AMZ1: variants seen among roughly 807,000 people sequenced by gnomAD.
AMZ1 encodes the protein archaemetzincin-1.
In AMZ1, 39 loss-of-function variants were observed where a neutral mutation model predicts 29.9. That is an observed-to-expected ratio of 1.30 (90% CI 1.01 to 1.70). The LOEUF is 1.70. AMZ1 is among the 40% of genes most tolerant of loss of function. AMZ1 has a pLI of 0.00. For missense variants in AMZ1, 1,041 were observed against 680.6 expected (o/e 1.53, Z -5.89); for synonymous variants, 458 against 304.0 (o/e 1.51, Z -5.27).
At chr7:2,682,713 G>A (rs893484942) in intron 1 of AMZ1, among the ~76,000 whole-genome samples, 3 of 151,982 alleles carry the variant, frequency 2.0e-5, no homozygotes, top group African/African-American at 4.8e-5. Context: ...CTTGTGTTCC[G>A]AGCCCCTTCA....
chr7:2,740,832 C>A (rs548467970), intron 4 of AMZ1, among the ~76,000 whole-genome samples: 1 of 152,146 alleles, frequency 6.6e-6, no homozygotes, highest in African/African-American at 2.4e-5. Context: ...ATCACGAGGT[C>A]GAGAGATCTA....
chr7:2,704,478 A>T (rs780136441), intron 3 of AMZ1, among the ~76,000 whole-genome samples: 4 of 68,676 alleles, frequency 5.8e-5, no homozygotes, highest in Non-Finnish European at 9.8e-5. Context: ...ACAAGACCCG[A>T]TCATTAAAAA....
chr7:2,709,498 G>C, intron 5 of AMZ1, 142 bp from the exon 6 acceptor site: 1 of 1,320,578 alleles, frequency 7.6e-7, no homozygotes, highest in Non-Finnish European at 1.0e-6. Flanking sequence ...TGCCGCCTGG[G>C]GCAGGGGGAG....
In AMZ1 at chr7:2,712,712, C is replaced by A. The variant is rs113735463; in HGVS notation, c.1331C>A (p.Thr444Lys). The A allele has an allele frequency of 1.3e-5, 21 of 1,609,884 alleles. No individual in the cohort carries two copies. The highest frequency in any genetic ancestry group is 1.5e-5 in the Non-Finnish European group (18 of 1,178,324). ...GCCCTCGACCGCTGGGAGATGTTCA[C>A]GGGCCAGCTCCCGGCCACCAGGCAG... is the stretch of plus-strand genomic sequence containing the variant. ...VDALDRWEMF[T>K]GQLPATRQDP... The change falls in exon 7 of 7, where the codon ACG becomes AAG. Residue 444 changes from threonine to lysine, a missense_variant. By Grantham distance (78) the Thr-to-Lys change is moderately conservative (BLOSUM62 -1). Transcript: ENST00000683327.
At chr7:2,710,232 A>C (rs574857233) in intron 6 of AMZ1, among the ~76,000 whole-genome samples, 22 of 152,314 alleles carry the variant, frequency 1.4e-4, no homozygotes, top group Non-Finnish European at 2.6e-4. Context: ...GGGAGCTGAC[A>C]CAACAAGGCT....
At chr7:2,704,509 TTGTGTTCC>T in intron 3 of AMZ1, among the ~76,000 whole-genome samples, 1 of 151,856 alleles carries the variant, frequency 6.6e-6, no homozygotes, top group Non-Finnish European at 1.5e-5. Context: ...CCCCCATATA[TTGTGTTCC>T]TAATTTCAGT....
intron 4 of AMZ1, among the ~76,000 whole-genome samples, chr7:2,757,935 T>C (rs1210400747): frequency 6.6e-6 from 1 of 152,168 alleles, no homozygotes; most frequent in African/African-American, 2.4e-5. Flanking sequence ...CACATCAGAA[T>C]AGCAATAATA....
chr7:2,742,276 A>G (rs1296713979), intron 4 of AMZ1, among the ~76,000 whole-genome samples: 1 of 152,124 alleles, frequency 6.6e-6, no homozygotes, highest in East Asian at 1.9e-4. Context: ...TCAGCCTCCC[A>G]AAGTGCTGGG....
intron 3 of AMZ1, among the ~76,000 whole-genome samples, chr7:2,705,001 T>TCTG (rs1189762014): frequency 6.6e-6 from 1 of 152,246 alleles, no homozygotes; most frequent in African/African-American, 2.4e-5. Flanking sequence ...GATTACACTA[T>TCTG]CTGGAGTGCC....
chr7:2,721,818 G>A (rs1237258572), downstream of AMZ1, among the ~76,000 whole-genome samples: 3 of 151,812 alleles, frequency 2.0e-5, no homozygotes, highest in Non-Finnish European at 4.4e-5. Context: ...CAGGAAAACA[G>A]GTGTAATTTA....
chr7:2,714,708 G>C lies in AMZ1; in HGVS notation c.*1830G>C, dbSNP rs1037016083. On this transcript the variant is annotated 3_prime_UTR_variant, in exon 7 of 7. Transcript: ENST00000683327. ...TGGAGACGGTTTGCCCCTGTGGCTC[G>C]ACTGGAGTGTTCGTTCACACGGCTG... 2 of 152,198 alleles carry C rather than the reference G, an allele frequency of 1.3e-5. No individual in the cohort carries two copies. The highest frequency in any genetic ancestry group is 2.9e-5 in the Non-Finnish European group (2 of 68,050). The allele number at this position is 152,198 out of a possible 1,614,324, so 9.4% of individuals were successfully genotyped here. A position where few individuals can be genotyped will look rare whatever the true frequency, so the allele number is the denominator to read the frequency against.
At chr7:2,730,747 C>G (rs576505267) in intron 4 of AMZ1, 3 of 166,540 alleles carry the variant, frequency 1.8e-5, no homozygotes, top group African/African-American at 4.8e-5. Context: ...GTTAGTCTGT[C>G]TCAGGGAAGA....
chr7:2,757,902 C>T (rs1791378567), intron 4 of AMZ1, among the ~76,000 whole-genome samples: 1 of 152,170 alleles, frequency 6.6e-6, no homozygotes, highest in Admixed American at 6.5e-5. Flanking sequence ...CTTAGTGGTT[C>T]TCTGACTCCT....
In AMZ1 at chr7:2,712,895, C is replaced by G. The variant is rs375263657; in HGVS notation, c.*17C>G. On this transcript the variant is annotated 3_prime_UTR_variant, in exon 7 of 7. Transcript: ENST00000683327. The stretch of plus-strand genomic sequence containing the variant: ...GAGAGTTAGTACAGCAGGGGCTGCC[C>G]TACGTCTCCTTCCCTAAGGATGCTG... The G allele has an allele frequency of 6.0e-6, 9 of 1,509,160 alleles. No individual in the cohort carries two copies. The highest frequency in any genetic ancestry group is 4.6e-5 in the East Asian group (2 of 43,564). The allele number at this position is 1,509,160 out of a possible 1,614,324, so 93.5% of individuals were successfully genotyped here. A position where few individuals can be genotyped will look rare whatever the true frequency, so the allele number is the denominator to read the frequency against.
intron 3 of AMZ1, among the ~76,000 whole-genome samples, chr7:2,704,821 C>G (rs1788257288): frequency 6.6e-6 from 1 of 151,998 alleles, no homozygotes; most frequent in African/African-American, 2.4e-5. Context: ...TGATCTCGAT[C>G]TCCTGACCTG....
At chr7:2,758,389 A>C (rs1166752134) in intron 4 of AMZ1, among the ~76,000 whole-genome samples, 1 of 152,172 alleles carries the variant, frequency 6.6e-6, no homozygotes, top group African/African-American at 2.4e-5. Context: ...TGCACATGAA[A>C]GAGGGTGTAA....
intron 1 of AMZ1, among the ~76,000 whole-genome samples, chr7:2,691,131 C>CA (rs35603123): frequency 0.24 from 16,356 of 68,618 alleles, 2,466 homozygotes; most frequent in African/African-American, 0.41. Flanking sequence ...GTGACAGAGG[C>CA]AAAAAAAAAA....
At chr7:2,684,019 A>C (rs1418004071), upstream of AMZ1, among the ~76,000 whole-genome samples, 1 of 151,886 alleles carries the variant, frequency 6.6e-6, no homozygotes, top group Non-Finnish European at 1.5e-5. Flanking sequence ...CTCTACTAAA[A>C]ATACAAAAAT....
In AMZ1 at chr7:2,704,335, T is replaced by C. The variant is rs145879947; in HGVS notation, c.472+1446T>C. 2.0e-3 allele frequency among the ~76,000 whole-genome samples: 312 copies of C among 152,238 alleles called. 3 individuals carry two copies. Among genetic ancestry groups the C allele is most frequent in the African/African-American group, 7.0e-3 (291 of 41,524 alleles). ...CTGGGCAACTAGGCCAGACCCTGTC[T>C]GTGCAAAAAATATAAAAATAGCTGG... On this transcript the variant is annotated intron_variant, in intron 3 of 6. Coordinates refer to ENST00000683327, the MANE Select transcript of AMZ1 (RefSeq NM_001384743.1).
Sources: gnomAD v4.1 joint callset for allele counts (sites outside exome capture counted in the v4.1 genomes callset) on GRCh38, gnomAD v4.1.1 for gene constraint, MANE v1.5 for transcripts, NCBI Gene and HGNC (gene_info 2026-07-23, HGNC 2026-07-21) for gene names.